Variants in SMAD2 observed in about 807,000 individuals in gnomAD.
The protein encoded by SMAD2 is MAD homolog 2.
Under a neutral mutation model 64.4 loss-of-function variants are expected in SMAD2, and 8 were observed. The observed-to-expected ratio is 0.12, with a 90% CI of 0.07 to 0.22. The LOEUF is 0.22. SMAD2 is among the 10% of genes least tolerant of loss of function. The pLI is 1.00. For synonymous variants in SMAD2, 203 were observed against 195.8 expected (o/e 1.04, Z -0.31); for missense variants, 289 against 561.2 (o/e 0.51, Z 4.90).
chr18:47,884,293 A>G (rs2032768121), intron 2 of SMAD2, among the ~76,000 whole-genome samples: 1 of 152,162 alleles, frequency 6.6e-6, no homozygotes, highest in Non-Finnish European at 1.5e-5. Flanking sequence ...CCAAGCTCTT[A>G]CACATATTAA....
rs1912484202 is a variant in SMAD2 at position 47,819,343 on chromosome 18, C to T, written c.*22484G>A. On this transcript the variant is annotated 3_prime_UTR_variant, in exon 11 of 11. Transcript: ENST00000262160. Reference sequence around the variant, plus strand: ...TGAACTAATTTTGTATTATTGACTTCAGCTGTGTCCTCTGAGTTACTGGCA... The same window carrying T: ...TGAACTAATTTTGTATTATTGACTTTAGCTGTGTCCTCTGAGTTACTGGCA... The T allele has an allele frequency of 1.3e-5, 2 of 152,192 alleles. No homozygotes were observed. Among genetic ancestry groups the T allele is most frequent in the Non-Finnish European group, 2.9e-5 (2 of 68,038 alleles). 9.4% of individuals were successfully genotyped at this position (152,192 alleles called of 1,614,324 possible).
In SMAD2 at chr18:47,837,503, A is replaced by G. The variant is rs1212636448; in HGVS notation, c.*4324T>C. 5 of 210,702 alleles carry G rather than the reference A, an allele frequency of 2.4e-5. No homozygotes were observed. In the East Asian group the frequency reaches 3.6e-4, roughly 15 times the overall value. The allele number at this position is 210,702 out of a possible 1,614,324, so 13.1% of individuals were successfully genotyped here. ...CGTGAACCCGGGAGGCGGAGCTTGC[A>G]GTGAACCAAGATCGCACCACTGCAC... On this transcript the variant is annotated 3_prime_UTR_variant, in exon 11 of 11. Coordinates refer to ENST00000262160, the MANE Select transcript of SMAD2 (RefSeq NM_005901.6).
chr18:47,854,648 TTA>T lies in SMAD2; in HGVS notation c.731-3323_731-3322del, dbSNP rs200483428. ...TGCAAATATTCACCCAGGTTTTTTT[TTA>T]AAAAAAATCTGTTATATCTTTTAAG... On this transcript the variant is annotated intron_variant, in intron 6 of 10. Coordinates refer to ENST00000262160, the MANE Select transcript of SMAD2 (RefSeq NM_005901.6). Among the ~76,000 whole-genome samples the T allele has an allele frequency of 4.8e-3, 696 of 144,812 alleles. 13 individuals carry two copies. In the East Asian group the frequency reaches 0.076, roughly 16 times the overall value.
chr18:47,928,389 C>A (rs565386799), intron 1 of SMAD2, among the ~76,000 whole-genome samples: 4 of 152,226 alleles, frequency 2.6e-5, no homozygotes, highest in Admixed American at 2.6e-4. Flanking sequence ...TATATTCCCC[C>A]AAATGTGAAG....
chr18:47,901,307 G>C (rs2033676107), intron 1 of SMAD2, among the ~76,000 whole-genome samples: 1 of 152,080 alleles, frequency 6.6e-6, no homozygotes, highest in Admixed American at 6.6e-5. Context: ...TCCTTTGCCT[G>C]ATTGGTATAG....
At chr18:47,882,952 T>TC (rs2032693425) in intron 2 of SMAD2, among the ~76,000 whole-genome samples, 1 of 152,202 alleles carries the variant, frequency 6.6e-6, no homozygotes, top group Non-Finnish European at 1.5e-5. Context: ...ACCATGACAA[T>TC]CCCTCTTTCA....
At chr18:47,887,461 T>C (rs2032971325) in intron 2 of SMAD2, among the ~76,000 whole-genome samples, 1 of 151,788 alleles carries the variant, frequency 6.6e-6, no homozygotes, top group African/African-American at 2.4e-5. Context: ...CTGTGGAGGT[T>C]GGAAGTCCAA....
intron 1 of SMAD2, among the ~76,000 whole-genome samples, chr18:47,921,204 C>A (rs2034546333): frequency 6.6e-6 from 1 of 152,088 alleles, no homozygotes; most frequent in Non-Finnish European, 1.5e-5. Flanking sequence ...ATACAACCCA[C>A]TACTCCAAAA....
chr18:47,912,858 CAAAAAA>C (rs566813544), intron 1 of SMAD2, among the ~76,000 whole-genome samples: 116 of 59,242 alleles, frequency 2.0e-3, no homozygotes, highest in African/African-American at 5.2e-3. Context: ...GTATAAACAG[CAAAAAA>C]AAAAAAAAAA....
chr18:47,846,234 T>A (rs1914477410), intron 8 of SMAD2, among the ~76,000 whole-genome samples: 1 of 152,274 alleles, frequency 6.6e-6, no homozygotes, highest in Middle Eastern at 3.4e-3. Flanking sequence ...TTTGCCATTT[T>A]AAAAACTATA....
rs1912652046 is a variant in SMAD2 at position 47,823,722 on chromosome 18, A to C, written c.*18105T>G. Reference sequence around the variant, plus strand: ...AAGACATCAGAGCAAGAATTGTATTACAATTTGATTTATTCAATTGGTTGC... The same window carrying C: ...AAGACATCAGAGCAAGAATTGTATTCCAATTTGATTTATTCAATTGGTTGC... On this transcript the variant is annotated 3_prime_UTR_variant, in exon 11 of 11. Coordinates refer to ENST00000262160, the MANE Select transcript of SMAD2 (RefSeq NM_005901.6). The C allele has an allele frequency of 6.6e-6, 1 of 152,220 alleles. No individual in the cohort carries two copies. The highest frequency in any genetic ancestry group is 1.5e-5 in the Non-Finnish European group (1 of 68,040). 9.4% of individuals were successfully genotyped at this position (152,220 alleles called of 1,614,324 possible).
chr18:47,845,114 A>G (rs1162137235), intron 10 of SMAD2: 2 of 621,486 alleles, frequency 3.2e-6, no homozygotes, highest in East Asian at 2.7e-5. Flanking sequence ...AACACTCTGA[A>G]TTACGTTAAA....
rs1912484796 is a variant in SMAD2, at chr18:47,819,367, C to T, written c.*22460G>A. The T allele has an allele frequency of 6.6e-6, 1 of 152,120 alleles. No individual in the cohort carries two copies. The highest frequency in any genetic ancestry group is 2.4e-5 in the African/African-American group (1 of 41,410). 9.4% of individuals were successfully genotyped at this position (152,120 alleles called of 1,614,324 possible). On this transcript the variant is annotated 3_prime_UTR_variant, in exon 11 of 11. Transcript: ENST00000262160. ...TCAGCTGTGTCCTCTGAGTTACTGG[C>T]AAAATACCTACATATTTCATTTTTA...
At position 47,827,452 on chromosome 18, in the gene SMAD2, A is replaced by ATCCCTC. The variant is rs1598725163; in HGVS notation, c.*14369_*14374dup. 6.6e-6 allele frequency: 1 copy of ATCCCTC among 152,144 alleles called. No individual in the cohort carries two copies. The highest frequency in any genetic ancestry group is 1.9e-4 in the East Asian group (1 of 5,170). The allele number at this position is 152,144 out of a possible 1,614,324, so 9.4% of individuals were successfully genotyped here. A position where few individuals can be genotyped will look rare whatever the true frequency, so the allele number is the denominator to read the frequency against. On this transcript the variant is annotated 3_prime_UTR_variant, in exon 11 of 11. Transcript: ENST00000262160. ...GCAATAACGGTTAGAAAAAAAGCAC[A>ATCCCTC]TCCCTCTCCCTCTCCCGTCTCCCCC...
intron 1 of SMAD2, among the ~76,000 whole-genome samples, chr18:47,901,109 T>C (rs1410514306): frequency 6.6e-6 from 1 of 152,176 alleles, no homozygotes; most frequent in Non-Finnish European, 1.5e-5. Context: ...GTATGTCCTA[T>C]ATATGTGCAT....
rs1377878082 is a variant in SMAD2 at position 47,902,554 on chromosome 18, G to A, written c.-53-5745C>T. 3.3e-5 allele frequency among the ~76,000 whole-genome samples: 5 copies of A among 152,292 alleles called. No homozygotes were observed. In the East Asian group the frequency reaches 7.7e-4, roughly 24 times the overall value. ...TGAGAACAGGAAAAAATAGAGAAACGTAGCCCTGAGAAAATCAACCATTAT... is the reference window on the plus strand; with the variant it reads ...TGAGAACAGGAAAAAATAGAGAAACATAGCCCTGAGAAAATCAACCATTAT... On this transcript the variant is annotated intron_variant, in intron 1 of 10. Transcript: ENST00000262160.
Position 47,911,484 on chromosome 18 carries a change from G to A in SMAD2, c.-53-14675C>T, listed in dbSNP as rs899178883. On this transcript the variant is annotated intron_variant, in intron 1 of 10. Transcript: ENST00000262160. Reference sequence around the variant, plus strand: ...GCCCCAAGGCCTCCCTCCAGGAAGAGGCAACACAGCATGCCAAATTTCATA... The same window carrying A: ...GCCCCAAGGCCTCCCTCCAGGAAGAAGCAACACAGCATGCCAAATTTCATA... Among the ~76,000 whole-genome samples, 2 of 152,134 alleles carry A rather than the reference G, an allele frequency of 1.3e-5. 1 individual carries two copies. Among genetic ancestry groups the A allele is most frequent in the Non-Finnish European group, 2.9e-5 (2 of 68,034 alleles).
At chr18:47,906,762 A>G (rs765805048) in intron 1 of SMAD2, among the ~76,000 whole-genome samples, 3 of 152,142 alleles carry the variant, frequency 2.0e-5, no homozygotes, top group African/African-American at 4.8e-5. Flanking sequence ...TGTAGTCTTT[A>G]GCTTGTGCTC....
rs1228540856 is a variant in SMAD2 at position 47,817,884 on chromosome 18, CTGACT to C, written c.*23938_*23942del. 6.6e-6 allele frequency: 1 copy of C among 152,332 alleles called. No individual in the cohort carries two copies. Among genetic ancestry groups the C allele is most frequent in the Admixed American group, 6.5e-5 (1 of 15,306 alleles). The allele number at this position is 152,332 out of a possible 1,614,324, so 9.4% of individuals were successfully genotyped here. A position where few individuals can be genotyped will look rare whatever the true frequency, so the allele number is the denominator to read the frequency against. On this transcript the variant is annotated 3_prime_UTR_variant, in exon 11 of 11. Transcript: ENST00000262160. ...CCAGTTAAAACACTGGTCCAAACAC[CTGACT>C]TATCTGTCAGGATTTACAGAATTTT... is the stretch of plus-strand genomic sequence containing the variant.
Sources: allele counts gnomAD v4.1 joint callset (sites outside exome capture counted in the v4.1 genomes callset), GRCh38; gene constraint gnomAD v4.1.1; transcripts MANE v1.5; gene names NCBI Gene and HGNC (gene_info 2026-07-23, HGNC 2026-07-21).